Variants in PLXDC2 observed in about 807,000 individuals in gnomAD.
The protein encoded by PLXDC2 is plexin domain-containing protein 2.
PLXDC2 carries 40 observed loss-of-function variants against 68.9 expected under a neutral mutation model. The observed-to-expected ratio is 0.58, with a 90% CI of 0.45 to 0.76. The LOEUF (loss-of-function observed/expected upper bound fraction) is 0.76, where lower values mean the gene tolerates loss of function less well. Ranked by LOEUF, PLXDC2 falls within the 30% of genes least tolerant of loss-of-function variation. The pLI is 0.00. For missense variants in PLXDC2, 644 were observed against 661.9 expected, an observed-to-expected ratio of 0.97 and a Z score of 0.30; for synonymous variants, 243 against 234.2, an observed-to-expected ratio of 1.04 and a Z score of -0.34.
intron 1 of PLXDC2, among the ~76,000 whole-genome samples, 196 bp downstream of exon 1, chr10:19,817,387 G>T (rs1836373338): frequency 2.0e-5 from 3 of 152,202 alleles, no homozygotes; most frequent in Admixed American, 2.0e-4. Context: ...GGGACTAGGG[G>T]TTTTCTTGAG....
intron 1 of PLXDC2, among the ~76,000 whole-genome samples, chr10:19,871,394 G>A (rs1332571835): frequency 3.9e-5 from 6 of 152,184 alleles, no homozygotes; most frequent in Non-Finnish European, 8.8e-5. Context: ...ATAGCATCAT[G>A]TTAGTGCCAA....
intron 1 of PLXDC2, among the ~76,000 whole-genome samples, chr10:19,853,677 A>G (rs1837162795): frequency 6.6e-6 from 1 of 152,038 alleles, no homozygotes; most frequent in African/African-American, 2.4e-5. Flanking sequence ...AATTTCTCGA[A>G]AACTAGAGTG....
Position 20,009,816 on chromosome 10 carries a change from T to C in PLXDC2, c.324+7830T>C, listed in dbSNP as rs547033530. Among the ~76,000 whole-genome samples, 106 of 151,202 alleles carry C rather than the reference T, an allele frequency of 7.0e-4. No homozygotes were observed. In the South Asian group the frequency reaches 0.011, roughly 16 times the overall value. On this transcript the variant is annotated intron_variant, in intron 2 of 13. Coordinates refer to ENST00000377252, the MANE Select transcript of PLXDC2 (RefSeq NM_032812.9). ...TGTACGACACTAAGGTGTTTAGAATTTATCAGGAAGGTACTTGGAAACTGC... is the reference window on the plus strand; with the variant it reads ...TGTACGACACTAAGGTGTTTAGAATCTATCAGGAAGGTACTTGGAAACTGC...
intron 1 of PLXDC2, among the ~76,000 whole-genome samples, chr10:19,825,112 C>G (rs1258302298): frequency 1.3e-5 from 2 of 152,146 alleles, no homozygotes; most frequent in African/African-American, 4.8e-5. Flanking sequence ...AGTTAGTGGT[C>G]TGTGAATTTT....
intron 1 of PLXDC2, among the ~76,000 whole-genome samples, chr10:19,891,045 G>A (rs1169857731): frequency 6.6e-6 from 1 of 152,004 alleles, no homozygotes; most frequent in Non-Finnish European, 1.5e-5. Flanking sequence ...TTGCTGATCT[G>A]CCATGCAGTC....
intron 9 of PLXDC2, among the ~76,000 whole-genome samples, chr10:20,190,212 A>G (rs750521635): frequency 2.0e-5 from 3 of 151,976 alleles, no homozygotes; most frequent in Non-Finnish European, 4.4e-5. Flanking sequence ...CTAGACTTCA[A>G]CAAATTCAAT....
intron 1 of PLXDC2, among the ~76,000 whole-genome samples, chr10:19,979,381 AT>A (rs747330816): frequency 0.011 from 1,547 of 143,432 alleles, 15 homozygotes; most frequent in African/African-American, 0.027. Context: ...AGATAGATAG[AT>A]TTTTTTTTTT....
intron 4 of PLXDC2, among the ~76,000 whole-genome samples, chr10:20,116,519 C>T (rs1833625019): frequency 6.6e-6 from 1 of 151,850 alleles, no homozygotes; most frequent in African/African-American, 2.4e-5. Context: ...CTTCTTAATG[C>T]TTTACTTTGG....
chr10:20,226,766 G>T (rs1416264666), intron 12 of PLXDC2, among the ~76,000 whole-genome samples: 1 of 152,040 alleles, frequency 6.6e-6, no homozygotes, highest in African/African-American at 2.4e-5. Flanking sequence ...CTTTCCATTT[G>T]CCATCAGCAA....
Position 20,137,906 on chromosome 10 carries a change from G to A in PLXDC2, c.542-5389G>A, listed in dbSNP as rs144419621. Among the ~76,000 whole-genome samples the A allele has an allele frequency of 1.6e-3, 239 of 152,234 alleles. 1 individual carries two copies. Among genetic ancestry groups the A allele is most frequent in the African/African-American group, 5.4e-3 (223 of 41,550 alleles). ...ATGGTCTCAGTATGATTGAGTGTGGGTGTATGTGGGAATGTGCCCTAGGAT... is the reference window on the plus strand; with the variant it reads ...ATGGTCTCAGTATGATTGAGTGTGGATGTATGTGGGAATGTGCCCTAGGAT... On this transcript the variant is annotated intron_variant, in intron 4 of 13. Coordinates refer to ENST00000377252, the MANE Select transcript of PLXDC2 (RefSeq NM_032812.9).
At position 20,282,199 on chromosome 10, in the gene PLXDC2, G is replaced by A. The variant is rs941720772; in HGVS notation, c.*2380G>A. 3 of 152,250 alleles carry A rather than the reference G, an allele frequency of 2.0e-5. No individual in the cohort carries two copies. In the South Asian group the frequency reaches 6.2e-4, roughly 32 times the overall value. 9.4% of individuals were successfully genotyped at this position (152,250 alleles called of 1,614,324 possible). On this transcript the variant is annotated 3_prime_UTR_variant, in exon 14 of 14. Coordinates refer to ENST00000377252, the MANE Select transcript of PLXDC2 (RefSeq NM_032812.9). ...GGAAAACTTCTTAACAGAACTAAGA[G>A]TTAAAGGTAGTGAGAAGTGTGTGGT...
intron 1 of PLXDC2, among the ~76,000 whole-genome samples, chr10:19,817,981 C>A (rs1427626871): frequency 6.6e-6 from 1 of 152,176 alleles, no homozygotes; most frequent in Non-Finnish European, 1.5e-5. Flanking sequence ...GGGCTATCGC[C>A]GAGCGGGAGC....
In PLXDC2 at chr10:20,284,608, G is replaced by A. The variant is rs1023687281; in HGVS notation, c.*4789G>A. 6 of 151,672 alleles carry A rather than the reference G, an allele frequency of 4.0e-5. No homozygotes were observed. Among genetic ancestry groups the A allele is most frequent in the East Asian group, 1.9e-4 (1 of 5,156 alleles). 9.4% of individuals were successfully genotyped at this position (151,672 alleles called of 1,614,324 possible). A position where few individuals can be genotyped will look rare whatever the true frequency, so the allele number is the denominator to read the frequency against. On this transcript the variant is annotated 3_prime_UTR_variant, in exon 14 of 14. Transcript: ENST00000377252. ...CATCTCTAAATAAAAAAAAAGAATC[G>A]TGAGACATCATGTAATCCAACCTCT...
At chr10:19,846,076 C>T (rs1359925929) in intron 1 of PLXDC2, among the ~76,000 whole-genome samples, 1 of 152,086 alleles carries the variant, frequency 6.6e-6, no homozygotes, top group African/African-American at 2.4e-5. Flanking sequence ...ATAGCCTGCC[C>T]AGGTCAAAAA....
chr10:20,162,771 T>G (rs1335435058), intron 6 of PLXDC2, among the ~76,000 whole-genome samples: 1 of 151,734 alleles, frequency 6.6e-6, no homozygotes, highest in East Asian at 1.9e-4. Flanking sequence ...AATCAGTAAA[T>G]AAAATATATC....
chr10:20,020,178 A>ATTTTTTTTTTTTTTTTT (rs71388889), intron 2 of PLXDC2, among the ~76,000 whole-genome samples: 15 of 107,328 alleles, frequency 1.4e-4, no homozygotes, highest in African/African-American at 5.0e-4. Context: ...CACCCAGCAA[A>ATTTTTTTTTTTTTTTTT]TTTTTTTTTT....
intron 4 of PLXDC2, among the ~76,000 whole-genome samples, chr10:20,108,495 A>G (rs1338217963): frequency 1.3e-5 from 2 of 152,192 alleles, no homozygotes; most frequent in Non-Finnish European, 1.5e-5. Context: ...TCATCTGTAC[A>G]GTAGACAGTG....
At chr10:20,146,656 T>C (rs1159212891) in intron 5 of PLXDC2, among the ~76,000 whole-genome samples, 1 of 152,058 alleles carries the variant, frequency 6.6e-6, no homozygotes, top group Non-Finnish European at 1.5e-5. Context: ...AAACTTTTTT[T>C]TCTTTTTTAC....
chr10:20,139,096 A>G (rs1833968880), intron 4 of PLXDC2, among the ~76,000 whole-genome samples: 1 of 152,216 alleles, frequency 6.6e-6, no homozygotes, highest in East Asian at 1.9e-4. Flanking sequence ...AATCCCCTAA[A>G]TGACTCGATG....
Sources: gnomAD v4.1 joint callset for allele counts (sites outside exome capture counted in the v4.1 genomes callset) on GRCh38, gnomAD v4.1.1 for gene constraint, MANE v1.5 for transcripts, NCBI Gene and HGNC (gene_info 2026-07-23, HGNC 2026-07-21) for gene names.